DCDC1: variants seen among roughly 807,000 people sequenced by gnomAD.
DCDC1 encodes doublecortin domain containing 1.
In DCDC1, 200 loss-of-function variants were observed where a neutral mutation model predicts 178.3. The observed-to-expected ratio is 1.12, with a 90% CI of 1.00 to 1.26. DCDC1 has a LOEUF of 1.26. Among genes scored for constraint, DCDC1 ranks in the 50% most tolerant of loss-of-function variants. The probability of loss-of-function intolerance (pLI) is 0.00; values close to 1 mark genes in which losing one functional copy is unlikely to be tolerated. For missense variants in DCDC1, 1,983 were observed against 1,749.2 expected (o/e 1.13, Z -2.38); for synonymous variants, 690 against 604.8 (o/e 1.14, Z -2.07).
intron 29 of DCDC1, among the ~76,000 whole-genome samples, chr11:30,908,036 G>A (rs753223593): frequency 1.4e-4 from 22 of 151,994 alleles, no homozygotes; most frequent in Non-Finnish European, 2.2e-4. Flanking sequence ...AGACAAAATT[G>A]ACCCTTTTGA....
At chr11:31,215,521 G>A (rs913622031) in intron 9 of DCDC1, among the ~76,000 whole-genome samples, 3 of 148,928 alleles carry the variant, frequency 2.0e-5, no homozygotes, top group Non-Finnish European at 4.5e-5. Flanking sequence ...CAGGCCTGGC[G>A]CGGTAGCTCA....
At chr11:30,987,482 A>G (rs1405094637) in intron 20 of DCDC1, among the ~76,000 whole-genome samples, 1 of 152,222 alleles carries the variant, frequency 6.6e-6, no homozygotes, top group Admixed American at 6.5e-5. Flanking sequence ...TTAATAAACA[A>G]ATAAAGAATA....
intron 1 of DCDC1, among the ~76,000 whole-genome samples, chr11:31,346,136 C>T (rs2133257170): frequency 6.6e-6 from 1 of 152,022 alleles, no homozygotes; most frequent in Non-Finnish European, 1.5e-5. Flanking sequence ...GGTTTTTTCT[C>T]ATAAGTATGT....
At chr11:31,072,598 G>A (rs933202379) in intron 18 of DCDC1, among the ~76,000 whole-genome samples, 5 of 152,004 alleles carry the variant, frequency 3.3e-5, no homozygotes, top group Non-Finnish European at 5.9e-5. Context: ...ATGGTTCCAC[G>A]TTTAAATCTT....
chr11:31,102,553 C>T (rs1958580276), intron 14 of DCDC1, among the ~76,000 whole-genome samples: 1 of 152,072 alleles, frequency 6.6e-6, no homozygotes, highest in Admixed American at 6.6e-5. Context: ...GCTTTTGGTT[C>T]TCTGTATTTG....
chr11:31,292,563 T>C (rs953233194), intron 6 of DCDC1, among the ~76,000 whole-genome samples: 1 of 152,052 alleles, frequency 6.6e-6, no homozygotes, highest in Non-Finnish European at 1.5e-5. Context: ...TCAGAATAGG[T>C]ACATCTATAA....
intron 6 of DCDC1, among the ~76,000 whole-genome samples, chr11:31,299,804 T>C (rs1022704207): frequency 2.2e-4 from 33 of 152,158 alleles, no homozygotes; most frequent in Admixed American, 9.8e-4. Flanking sequence ...TGCCAGGTTT[T>C]TATATCATCT....
At position 31,295,140 on chromosome 11, in the gene DCDC1, CCT is replaced by C. The variant is rs1250762391; in HGVS notation, c.755-4290_755-4289del. On this transcript the variant is annotated intron_variant, in intron 6 of 38. Transcript: ENST00000684477. ...TTTGTATATAACCTACACACATCCC[CCT>C]GTGTACTTTAAATCATCTCTAGATT... 2.6e-5 allele frequency among the ~76,000 whole-genome samples: 4 copies of C among 152,222 alleles called. No homozygotes were observed. In the East Asian group the frequency reaches 7.7e-4, roughly 29 times the overall value.
chr11:30,943,449 G>T, intron 21 of DCDC1: 1 of 300,682 alleles, frequency 3.3e-6, no homozygotes, highest in Non-Finnish European at 6.6e-6. Context: ...GGCATGGCCC[G>T]TCCAAATGGA....
chr11:31,072,541 C>A (rs1956632288), intron 18 of DCDC1, among the ~76,000 whole-genome samples: 1 of 152,050 alleles, frequency 6.6e-6, no homozygotes, highest in Non-Finnish European at 1.5e-5. Flanking sequence ...GATGTCTACT[C>A]ACTATTACAC....
intron 3 of DCDC1, among the ~76,000 whole-genome samples, chr11:31,324,450 A>T (rs1949541790): frequency 6.6e-6 from 1 of 152,094 alleles, no homozygotes; most frequent in Non-Finnish European, 1.5e-5. Context: ...AGAAACAATG[A>T]TCTAGTCTTT....
intron 6 of DCDC1, among the ~76,000 whole-genome samples, chr11:31,300,485 T>C (rs1469910588): frequency 1.3e-5 from 2 of 152,158 alleles, no homozygotes; most frequent in Non-Finnish European, 2.9e-5. Flanking sequence ...AAGTATTACT[T>C]CATCTATATT....
intron 6 of DCDC1, among the ~76,000 whole-genome samples, chr11:31,292,807 G>A (rs1947330883): frequency 6.6e-6 from 1 of 151,630 alleles, no homozygotes; most frequent in Non-Finnish European, 1.5e-5. Context: ...AGAGGAGGAG[G>A]TCCATAGGTG....
chr11:31,210,966 C>A (rs955395173), intron 9 of DCDC1, among the ~76,000 whole-genome samples: 2 of 152,152 alleles, frequency 1.3e-5, no homozygotes, highest in Admixed American at 6.5e-5. Flanking sequence ...GGAATCTATT[C>A]TTTTTCTATC....
At chr11:31,346,080 T>G (rs1414169216) in intron 1 of DCDC1, among the ~76,000 whole-genome samples, 1 of 152,208 alleles carries the variant, frequency 6.6e-6, no homozygotes, top group Non-Finnish European at 1.5e-5. Flanking sequence ...GAAGGATTCT[T>G]GCCATAAACA....
chr11:30,931,590 T>C (rs543040164), intron 22 of DCDC1, among the ~76,000 whole-genome samples, 181 bp downstream of exon 22: 31 of 152,266 alleles, frequency 2.0e-4, no homozygotes, highest in African/African-American at 7.2e-4. Context: ...AGAGTTCAAA[T>C]CAAATTCCTG....
At chr11:31,161,029 A>T (rs1966273535) in intron 9 of DCDC1, among the ~76,000 whole-genome samples, 1 of 152,202 alleles carries the variant, frequency 6.6e-6, no homozygotes, top group Non-Finnish European at 1.5e-5. Context: ...AAAATTCATT[A>T]TAACATTGCA....
intron 7 of DCDC1, among the ~76,000 whole-genome samples, chr11:31,273,755 G>A (rs1198499691): frequency 6.6e-6 from 1 of 152,158 alleles, no homozygotes; most frequent in East Asian, 1.9e-4. Context: ...TCACACTGCT[G>A]AGAAAGACAT....
chr11:31,037,117 C>G (rs1309651162), intron 20 of DCDC1, among the ~76,000 whole-genome samples: 1 of 152,184 alleles, frequency 6.6e-6, no homozygotes, highest in Non-Finnish European at 1.5e-5. Context: ...CAGAGCTACC[C>G]TCACTGAAGT....
Sources: gnomAD v4.1 joint callset for allele counts (sites outside exome capture counted in the v4.1 genomes callset) on GRCh38, gnomAD v4.1.1 for gene constraint, MANE v1.5 for transcripts, NCBI Gene and HGNC (gene_info 2026-07-23, HGNC 2026-07-21) for gene names.